The following RBFOX1 variants were observed in gnomAD, a reference collection of about 807,000 sequenced individuals.
RBFOX1 encodes RNA binding protein fox-1 homolog 1.
A neutral mutation model predicts 57.7 loss-of-function variants in RBFOX1; 8 were observed. The observed-to-expected ratio is 0.14, with a 90% CI of 0.08 to 0.25. RBFOX1 has a LOEUF of 0.25. RBFOX1 is among the 10% of genes least tolerant of loss of function. The pLI is 1.00. For missense variants in RBFOX1, 611 were observed against 548.5 expected (o/e 1.11, Z -1.14); for synonymous variants, 326 against 222.4 (o/e 1.47, Z -4.15).
In RBFOX1 at chr16:7,444,172, G is replaced by C. The variant is rs535326018; in HGVS notation, c.28-73975G>C. On this transcript the variant is annotated intron_variant, in intron 4 of 15. Transcript: ENST00000550418. Reference sequence around the variant, plus strand: ...GCTAGGGTTATTAGTTCAGATTATAGTTATGCAGGTCTTCCGTGTTAAGTC... The same window carrying C: ...GCTAGGGTTATTAGTTCAGATTATACTTATGCAGGTCTTCCGTGTTAAGTC... Among the ~76,000 whole-genome samples, 4 of 152,306 alleles carry C rather than the reference G, an allele frequency of 2.6e-5. No homozygotes were observed. The South Asian group carries it at 8.3e-4, about 32-fold the overall frequency.
intron 4 of RBFOX1, among the ~76,000 whole-genome samples, chr16:7,387,860 A>C (rs2097911048): frequency 6.6e-6 from 1 of 151,916 alleles, no homozygotes; most frequent in Non-Finnish European, 1.5e-5. Flanking sequence ...TGATTATTTT[A>C]ATGTGCTAAT....
chr16:6,948,686 G>A (rs912672498), intron 3 of RBFOX1, among the ~76,000 whole-genome samples: 6 of 151,998 alleles, frequency 3.9e-5, no homozygotes, highest in African/African-American at 1.5e-4. Flanking sequence ...CTGGCGTTGT[G>A]TCAGTCTTAT....
chr16:5,293,054 C>G (rs1016603033), intron 1 of RBFOX1, among the ~76,000 whole-genome samples: 1 of 152,056 alleles, frequency 6.6e-6, no homozygotes, highest in African/African-American at 2.4e-5. Flanking sequence ...GGCACTGTGG[C>G]TCATGCCTGT....
At chr16:6,975,907 C>G (rs184569497) in intron 3 of RBFOX1, among the ~76,000 whole-genome samples, 1 of 151,988 alleles carries the variant, frequency 6.6e-6, no homozygotes, top group Non-Finnish European at 1.5e-5. Context: ...TAGGTGGTCA[C>G]TTGAGGTCAG....
chr16:5,591,095 C>G (rs973225313), intron 2 of RBFOX1, among the ~76,000 whole-genome samples: 2 of 151,040 alleles, frequency 1.3e-5, no homozygotes, highest in Admixed American at 1.3e-4. Flanking sequence ...ATGTGTTTTT[C>G]CCTTAAATTA....
At chr16:5,745,636 T>C (rs1207993602) in intron 3 of RBFOX1, among the ~76,000 whole-genome samples, 3 of 152,238 alleles carry the variant, frequency 2.0e-5, no homozygotes, top group Non-Finnish European at 4.4e-5. Flanking sequence ...ATCGCCATTG[T>C]AACTGGTGTG....
intron 1 of RBFOX1, among the ~76,000 whole-genome samples, chr16:6,289,085 T>C (rs2077189865): frequency 6.6e-6 from 1 of 152,144 alleles, no homozygotes; most frequent in African/African-American, 2.4e-5. Context: ...AGATAGAGAA[T>C]AACTTTTGGA....
intron 2 of RBFOX1, among the ~76,000 whole-genome samples, chr16:5,550,420 C>G (rs1276515846): frequency 1.3e-5 from 2 of 152,202 alleles, no homozygotes; most frequent in African/African-American, 4.8e-5. Context: ...CTGATTACCG[C>G]TCTGTTGGAT....
chr16:6,073,701 T>C (rs1258772760), intron 1 of RBFOX1, among the ~76,000 whole-genome samples: 1 of 152,200 alleles, frequency 6.6e-6, no homozygotes, highest in Admixed American at 6.5e-5. Context: ...AGTGTATAAA[T>C]TTTAATAGAG....
At position 5,798,449 on chromosome 16, in the gene RBFOX1, A is replaced by C. The variant is rs976490426; in HGVS notation, c.319-68854A>C. Among the ~76,000 whole-genome samples the C allele has an allele frequency of 2.0e-5, 3 of 152,146 alleles. No individual in the cohort carries two copies. In the South Asian group the frequency reaches 6.2e-4, roughly 32 times the overall value. ...GGGTTTATTTCCCAGGTGGACTGGG[A>C]GGATATGGGACTTCCAGGTAGATGG... On this transcript the variant is annotated intron_variant, in intron 3 of 19. Transcript: ENST00000641259.
chr16:7,009,899 A>G (rs1174338784), intron 3 of RBFOX1, among the ~76,000 whole-genome samples: 1 of 152,224 alleles, frequency 6.6e-6, no homozygotes, highest in East Asian at 1.9e-4. Flanking sequence ...TTTAGCTGTG[A>G]ACAAGTTTAA....
chr16:5,482,601 A>G (rs1270456108), intron 2 of RBFOX1, among the ~76,000 whole-genome samples: 3 of 152,304 alleles, frequency 2.0e-5, no homozygotes, highest in South Asian at 2.1e-4. Flanking sequence ...CTGTGTTTAC[A>G]TAGGTTCTGA....
chr16:7,451,103 G>A (rs1428791591), intron 4 of RBFOX1, among the ~76,000 whole-genome samples: 1 of 152,176 alleles, frequency 6.6e-6, no homozygotes, highest in Admixed American at 6.5e-5. Flanking sequence ...CAGGCTGAGG[G>A]TTAAGGCTCT....
At chr16:6,069,818 C>G (rs757437042) in intron 1 of RBFOX1, among the ~76,000 whole-genome samples, 3 of 152,044 alleles carry the variant, frequency 2.0e-5, no homozygotes, top group Non-Finnish European at 4.4e-5. Flanking sequence ...GAAACCCCAT[C>G]TCTACTAAAA....
At chr16:5,841,350 C>T (rs1277594179) in intron 3 of RBFOX1, among the ~76,000 whole-genome samples, 1 of 152,152 alleles carries the variant, frequency 6.6e-6, no homozygotes, top group Non-Finnish European at 1.5e-5. Flanking sequence ...GCTGCACTGC[C>T]ACTCATGTAA....
At chr16:7,169,164 T>C (rs1282861100) in intron 4 of RBFOX1, among the ~76,000 whole-genome samples, 2 of 152,216 alleles carry the variant, frequency 1.3e-5, no homozygotes, top group African/African-American at 4.8e-5. Context: ...GTTTCAAATT[T>C]TGACAATATT....
intron 2 of RBFOX1, among the ~76,000 whole-genome samples, chr16:6,549,413 G>C (rs866944544): frequency 0.014 from 675 of 46,968 alleles, 69 homozygotes; most frequent in African/African-American, 0.044. Flanking sequence ...GAGGAGGGAG[G>C]AGGAGGAGGA....
intron 2 of RBFOX1, among the ~76,000 whole-genome samples, chr16:5,527,729 C>G (rs146864266): frequency 6.6e-6 from 1 of 152,270 alleles, no homozygotes; most frequent in East Asian, 1.9e-4. Flanking sequence ...CTCTAAGTAG[C>G]TCCAGATCTC....
intron 4 of RBFOX1, among the ~76,000 whole-genome samples, chr16:7,162,742 C>G (rs1000317436): frequency 2.6e-5 from 4 of 151,758 alleles, no homozygotes; most frequent in African/African-American, 7.3e-5. Flanking sequence ...AAAAAATAAT[C>G]CAGATTTCAT....
Sources: gnomAD v4.1 joint callset for allele counts (sites outside exome capture counted in the v4.1 genomes callset) on GRCh38, gnomAD v4.1.1 for gene constraint, MANE v1.5 for transcripts, NCBI Gene and HGNC (gene_info 2026-07-23, HGNC 2026-07-21) for gene names.